KHDRBS1: variants seen among roughly 807,000 people sequenced by gnomAD.
KHDRBS1 encodes KH RNA binding domain containing, signal transduction associated 1, also known as KH domain-containing, RNA-binding, signal transduction-associated protein 1.
In KHDRBS1, 7 loss-of-function variants were observed where a neutral mutation model predicts 48.4. The ratio of observed to expected loss-of-function variants is 0.14; its 90% CI spans 0.08 to 0.27. The LOEUF (loss-of-function observed/expected upper bound fraction) is 0.27. Among genes scored for constraint, KHDRBS1 ranks in the 10% least tolerant of loss-of-function variants. The pLI is 1.00. For missense variants in KHDRBS1, 458 were observed against 601.2 expected (o/e 0.76, Z 2.49); for synonymous variants, 241 against 235.8 (o/e 1.02, Z -0.20).
intron 10 of KHDRBS1, among the ~76,000 whole-genome samples, chr1:32,053,240 C>T (rs1639444353): frequency 6.6e-6 from 1 of 152,002 alleles, no homozygotes; most frequent in Non-Finnish European, 1.5e-5. Flanking sequence ...TACCAGGGAG[C>T]CTGGAGGAGC....
At chr1:32,036,463 C>T (rs965056769) in intron 4 of KHDRBS1, among the ~76,000 whole-genome samples, 1 of 152,070 alleles carries the variant, frequency 6.6e-6, no homozygotes, top group Non-Finnish European at 1.5e-5. Context: ...GCCACTGCAC[C>T]CGGCCCTCAT....
chr1:32,037,508 A>G (rs540216429), intron 5 of KHDRBS1, among the ~76,000 whole-genome samples: 20 of 151,888 alleles, frequency 1.3e-4, no homozygotes, highest in Non-Finnish European at 2.2e-4. Context: ...GCTGCAGTCT[A>G]GCTGAAACTT....
chr1:32,033,868 A>G (rs1263151020), intron 4 of KHDRBS1, among the ~76,000 whole-genome samples: 1 of 152,188 alleles, frequency 6.6e-6, no homozygotes, highest in Non-Finnish European at 1.5e-5. Context: ...GAGGTTGACT[A>G]TTGATGTTTA....
chr1:32,058,572 T>A (rs1329137510), intron 10 of KHDRBS1, among the ~76,000 whole-genome samples: 1 of 152,146 alleles, frequency 6.6e-6, no homozygotes, highest in Non-Finnish European at 1.5e-5. Context: ...CAATGTCTGA[T>A]TTTTAAACTT....
At chr1:32,032,563 T>C (rs1021063638) in intron 3 of KHDRBS1, among the ~76,000 whole-genome samples, 19 of 152,210 alleles carry the variant, frequency 1.2e-4, no homozygotes, top group African/African-American at 3.4e-4. Flanking sequence ...TAGACTAGAA[T>C]TAAGTTTTTC....
At chr1:32,035,213 G>A (rs1639153274) in intron 4 of KHDRBS1, among the ~76,000 whole-genome samples, 1 of 152,080 alleles carries the variant, frequency 6.6e-6, no homozygotes, top group African/African-American at 2.4e-5. Context: ...AGGCTTGCTT[G>A]TAAGTGAATC....
intron 4 of KHDRBS1, among the ~76,000 whole-genome samples, chr1:32,035,112 C>G (rs1225491020): frequency 6.6e-6 from 1 of 152,090 alleles, no homozygotes; most frequent in Non-Finnish European, 1.5e-5. Flanking sequence ...TCACCCAAGC[C>G]ATTCAATTTC....
intron 10 of KHDRBS1, among the ~76,000 whole-genome samples, chr1:32,057,262 C>T (rs946257599): frequency 8.5e-5 from 13 of 152,132 alleles, no homozygotes; most frequent in African/African-American, 3.1e-4. Context: ...TCATTACACC[C>T]TCAAGTGATC....
intron 10 of KHDRBS1, chr1:32,052,420 C>T (rs1327921666): frequency 2.7e-5 from 4 of 148,562 alleles, no homozygotes; most frequent in African/African-American, 5.0e-5. Context: ...TTTTTTGAGA[C>T]GGTGTCTCAC....
chr1:32,029,354 G>A (rs1340854290), intron 1 of KHDRBS1, among the ~76,000 whole-genome samples: 1 of 152,082 alleles, frequency 6.6e-6, no homozygotes, highest in Admixed American at 6.5e-5. Flanking sequence ...TCAATAAAAT[G>A]TTTTTTTAAA....
rs913339365 is a variant in KHDRBS1 at position 32,043,271 on chromosome 1, G to A, written c.*647G>A. 2 of 151,094 alleles carry A rather than the reference G, an allele frequency of 1.3e-5. No homozygotes were observed. Among genetic ancestry groups the A allele is most frequent in the Non-Finnish European group, 2.9e-5 (2 of 67,926 alleles). 9.4% of individuals were successfully genotyped at this position (151,094 alleles called of 1,614,324 possible). A position where few individuals can be genotyped will look rare whatever the true frequency, so the allele number is the denominator to read the frequency against. ...TTAAATAGTTGATGCAATTTTTAAC[G>A]TTAATTGATATAAAAAAAAAAACAA... On this transcript the variant is annotated 3_prime_UTR_variant, in exon 9 of 9. Coordinates refer to ENST00000327300, the MANE Select transcript of KHDRBS1 (RefSeq NM_006559.3).
intron 10 of KHDRBS1, among the ~76,000 whole-genome samples, chr1:32,055,019 A>G (rs1028390496): frequency 6.6e-6 from 1 of 152,148 alleles, no homozygotes; most frequent in Non-Finnish European, 1.5e-5. Context: ...TGAAGTCTTT[A>G]TGTTCCTCCT....
At chr1:32,055,320 C>T (rs1639469381) in intron 10 of KHDRBS1, among the ~76,000 whole-genome samples, 1 of 152,058 alleles carries the variant, frequency 6.6e-6, no homozygotes, top group Non-Finnish European at 1.5e-5. Context: ...TGGTGGCGCG[C>T]ATCTGTAATC....
chr1:32,038,166 C>T (rs1381429999), intron 6 of KHDRBS1, 130 bp downstream of exon 6: 2 of 1,392,618 alleles, frequency 1.4e-6, no homozygotes, highest in South Asian at 2.8e-5. Flanking sequence ...GCCCTCTTCT[C>T]TTGCAGTGAA....
chr1:32,017,600 CTTTTTTTT>C (rs34505125), intron 1 of KHDRBS1, among the ~76,000 whole-genome samples: 10 of 73,820 alleles, frequency 1.4e-4, no homozygotes, highest in African/African-American at 2.6e-4. Flanking sequence ...TCTTTTTCTA[CTTTTTTTT>C]TTTTTTTTTT....
At chr1:32,044,144 G>T (rs115689135), downstream of KHDRBS1, among the ~76,000 whole-genome samples, 392 of 152,286 alleles carry the variant, frequency 2.6e-3, 2 homozygotes, top group African/African-American at 9.2e-3. Context: ...AATTTATGGA[G>T]AGTTTTCAAC....
At chr1:32,030,145 G>A (rs1357497279) in intron 1 of KHDRBS1, among the ~76,000 whole-genome samples, 153 bp from the exon 2 acceptor site, 1 of 152,082 alleles carries the variant, frequency 6.6e-6, no homozygotes, top group Non-Finnish European at 1.5e-5. Flanking sequence ...ACTTCATATA[G>A]CTTTAGTGCT....
At chr1:32,017,856 C>T (rs991400530) in intron 1 of KHDRBS1, among the ~76,000 whole-genome samples, 1 of 151,934 alleles carries the variant, frequency 6.6e-6, no homozygotes, top group Admixed American at 6.6e-5. Flanking sequence ...ATCCGCCTGC[C>T]TCGGCCTCCC....
chr1:32,040,465 C>T (rs1398417102), intron 8 of KHDRBS1, among the ~76,000 whole-genome samples: 5 of 151,996 alleles, frequency 3.3e-5, no homozygotes, highest in Admixed American at 6.6e-5. Context: ...GGGGCTAGAG[C>T]CAATAATTCA....
Sources: gnomAD v4.1 joint callset for allele counts (sites outside exome capture counted in the v4.1 genomes callset) on GRCh38, gnomAD v4.1.1 for gene constraint, MANE v1.5 for transcripts, NCBI Gene and HGNC (gene_info 2026-07-23, HGNC 2026-07-21) for gene names.